The following KIF3C variants were observed in gnomAD, a reference collection of about 807,000 sequenced individuals.
The protein encoded by KIF3C is kinesin family member 3C, also known as kinesin-like protein KIF3C.
A neutral mutation model predicts 67.7 loss-of-function variants in KIF3C; 12 were observed. The observed-to-expected ratio is 0.18, with a 90% CI of 0.11 to 0.29. The LOEUF is 0.29. Ranked by LOEUF, KIF3C falls within the 10% of genes least tolerant of loss-of-function variation. The pLI, the probability that KIF3C is intolerant of heterozygous loss-of-function variation, is 1.00. For synonymous variants in KIF3C, 393 were observed against 426.2 expected (o/e 0.92, Z 0.96); for missense variants, 789 against 1,059.6 (o/e 0.74, Z 3.55).
intron 1 of KIF3C, among the ~76,000 whole-genome samples, chr2:25,968,454 C>T (rs1664197609): frequency 1.3e-5 from 2 of 152,194 alleles, no homozygotes; most frequent in Admixed American, 6.5e-5. Context: ...CTAATCAGCC[C>T]TTCTACTTTA....
In KIF3C at chr2:25,927,859, C is replaced by G. The variant is rs2090425132; in HGVS notation, c.*1119G>C. 1 of 152,506 alleles carries G rather than the reference C, an allele frequency of 6.6e-6. No homozygotes were observed. The highest frequency in any genetic ancestry group is 2.4e-5 in the African/African-American group (1 of 41,402). 9.4% of individuals were successfully genotyped at this position (152,506 alleles called of 1,614,324 possible). ...CATCACAAAGGAAGGTAAGGAGTAT[C>G]CCCCTAGGAACCAATTTGCGTAACT... On this transcript the variant is annotated 3_prime_UTR_variant, in exon 8 of 8. Coordinates refer to ENST00000264712, the MANE Select transcript of KIF3C (RefSeq NM_002254.8).
rs572097063 is a variant in KIF3C at position 25,948,831 on chromosome 2, G to C, written c.2006+2958C>G. On this transcript the variant is annotated intron_variant, in intron 5 of 7. Coordinates refer to ENST00000264712, the MANE Select transcript of KIF3C (RefSeq NM_002254.8). ...AGGTAAAGCACCTGCCACACTTTGA[G>C]TCTGGATCATGTGCTTGAGGCAGTC... Among the ~76,000 whole-genome samples the C allele has an allele frequency of 2.0e-5, 3 of 152,158 alleles. No individual in the cohort carries two copies. The South Asian group carries it at 6.2e-4, about 32-fold the overall frequency.
chr2:25,982,473 C>G lies in KIF3C; in HGVS notation c.-556G>C, dbSNP rs1240671871. The G allele has an allele frequency of 2.5e-6, 1 of 398,554 alleles. No individual in the cohort carries two copies. Among genetic ancestry groups the G allele is most frequent in the Non-Finnish European group, 4.4e-6 (1 of 226,132 alleles). 24.7% of individuals were successfully genotyped at this position (398,554 alleles called of 1,614,324 possible). ...TCTGCCTCCGCCTTCCCCGCCGCCG[C>G]CACTGGAGAATGAGAGAGAAAAACA... On this transcript the variant is annotated 5_prime_UTR_variant, in exon 1 of 8. Transcript: ENST00000264712.
chr2:25,963,004 A>T (rs1297996402), intron 1 of KIF3C, among the ~76,000 whole-genome samples: 1 of 46,008 alleles, frequency 2.2e-5, no homozygotes, highest in African/African-American at 1.4e-4. Flanking sequence ...TATAATATAT[A>T]ATATATAATA....
rs760016402 is a variant in KIF3C at position 25,980,590 on chromosome 2, C to A, written c.1328G>T (p.Arg443Leu). The A allele has an allele frequency of 6.2e-7, 1 of 1,614,034 alleles. No homozygotes were observed. The change falls in exon 1 of 8, where the codon CGC becomes CTC. Residue 443 changes from arginine to leucine, a missense_variant. Transcript: ENST00000264712. This position sits in a 1 kb window ranked among gnomAD's most constrained non-coding sequence, Gnocchi z 7.6. ...TGACTCCAGGATGGGCTGGGGCGGG[C>A]GGTGGTTGTTGTTGTTGTCATCCTC... ...EEEDDNNNNHRPPQPILESAL... is the reference protein window; with the variant it reads ...EEEDDNNNNHLPPQPILESAL...
chr2:25,974,384 A>G (rs1196923272), intron 1 of KIF3C, among the ~76,000 whole-genome samples: 1 of 151,584 alleles, frequency 6.6e-6, no homozygotes, highest in Non-Finnish European at 1.5e-5. Flanking sequence ...TTTTTTTCCT[A>G]GAGACAAGGT....
At chr2:25,953,572 G>A (rs1395326610) in intron 4 of KIF3C, among the ~76,000 whole-genome samples, 2 of 151,936 alleles carry the variant, frequency 1.3e-5, no homozygotes, top group South Asian at 2.1e-4. Flanking sequence ...GTGTTAGCCA[G>A]GATAGTCTCG....
chr2:25,947,564 G>C (rs2149229320), intron 5 of KIF3C, among the ~76,000 whole-genome samples: 1 of 151,626 alleles, frequency 6.6e-6, no homozygotes, highest in South Asian at 2.1e-4. Flanking sequence ...CTGGGTGACA[G>C]AGCGAGACTG....
At chr2:25,972,956 G>A (rs1664318428) in intron 1 of KIF3C, among the ~76,000 whole-genome samples, 1 of 151,706 alleles carries the variant, frequency 6.6e-6, no homozygotes, top group Admixed American at 6.6e-5. Flanking sequence ...TTCTCTAACT[G>A]GTTATGACAG....
intron 5 of KIF3C, among the ~76,000 whole-genome samples, chr2:25,940,476 C>T (rs1278370510): frequency 3.3e-5 from 5 of 151,334 alleles, no homozygotes; most frequent in Admixed American, 1.3e-4. Context: ...GAGGCTGAGG[C>T]GGAAGAATCG....
chr2:25,943,695 G>A (rs928052062), intron 5 of KIF3C, among the ~76,000 whole-genome samples: 7 of 152,068 alleles, frequency 4.6e-5, no homozygotes, highest in South Asian at 2.1e-4. Context: ...GAGAAACCCC[G>A]TCTCTACTAA....
At chr2:25,942,382 A>G (rs2149226450) in intron 5 of KIF3C, among the ~76,000 whole-genome samples, 1 of 149,844 alleles carries the variant, frequency 6.7e-6, no homozygotes, top group Non-Finnish European at 1.5e-5. Context: ...GTACTTGTAA[A>G]ATATTTATTG....
chr2:25,981,516 G>A lies in KIF3C; in HGVS notation c.402C>T (p.Ser134=), dbSNP rs756085339. The A allele has an allele frequency of 4.5e-5, 72 of 1,614,080 alleles. No homozygotes were observed. In the Admixed American group the frequency reaches 1.2e-3, roughly 26 times the overall value. ...CCCGGACCAGGTACTGTTGGTTCTG[G>A]GAGCGGGAGATGTGGGTGAAGATGT... is the stretch of plus-strand genomic sequence containing the variant. ...FEHIFTHISR[S]QNQQYLVRAS... is the part of the protein sequence containing the mutation. Residue 134 remains serine (S), a synonymous_variant, in exon 1 of 8, where the codon TCC becomes TCT. Transcript: ENST00000264712. This position sits in a 1 kb window ranked among gnomAD's most constrained non-coding sequence, Gnocchi z 8.2.
At chr2:25,942,659 C>T (rs7578393) in intron 5 of KIF3C, among the ~76,000 whole-genome samples, 101,707 of 151,876 alleles carry the variant, frequency 0.67, 36,105 homozygotes, top group Non-Finnish European at 0.8. Flanking sequence ...ATCTGCCCGC[C>T]TTGGCCTCCC....
chr2:25,974,336 G>A (rs1197860505), intron 1 of KIF3C, among the ~76,000 whole-genome samples: 1 of 152,026 alleles, frequency 6.6e-6, no homozygotes, highest in East Asian at 1.9e-4. Context: ...CCAAAGTGCT[G>A]GGATTACAGG....
intron 5 of KIF3C, among the ~76,000 whole-genome samples, chr2:25,940,612 T>C (rs930759231): frequency 6.8e-6 from 1 of 147,718 alleles, no homozygotes; most frequent in African/African-American, 2.5e-5. Context: ...TCAAGGCCAC[T>C]AGTAAGTGGC....
intron 1 of KIF3C, among the ~76,000 whole-genome samples, chr2:25,963,119 T>C (rs1261531797): frequency 9.3e-6 from 1 of 107,362 alleles, no homozygotes; most frequent in Non-Finnish European, 1.8e-5. Flanking sequence ...TGTACATAGA[T>C]ACATGTATAT....
chr2:25,978,458 C>T (rs1269539059), intron 1 of KIF3C, among the ~76,000 whole-genome samples: 2 of 152,172 alleles, frequency 1.3e-5, no homozygotes, highest in Admixed American at 6.5e-5. Flanking sequence ...CTCTCCTCAA[C>T]TCACCTGTGT....
At chr2:25,948,604 A>AAGGG (rs1663506003) in intron 5 of KIF3C, among the ~76,000 whole-genome samples, 11 of 137,608 alleles carry the variant, frequency 8.0e-5, no homozygotes, top group Admixed American at 7.7e-4. Flanking sequence ...AAGAGAAAGA[A>AAGGG]AGAAAGAGAA....
Sources: gnomAD v4.1 joint callset for allele counts (sites outside exome capture counted in the v4.1 genomes callset) on GRCh38, gnomAD v4.1.1 for gene constraint, Gnocchi (gnomAD v3.1) non-coding constraint, MANE v1.5 for transcripts, NCBI Gene and HGNC (gene_info 2026-07-23, HGNC 2026-07-21) for gene names.